The following TSGA10 variants were observed in gnomAD, a reference collection of about 807,000 sequenced individuals.
TSGA10 encodes testis-specific gene 10 protein.
In TSGA10, 43 loss-of-function variants were observed where a neutral mutation model predicts 96.6. The observed-to-expected ratio is 0.44, with a 90% CI of 0.35 to 0.57. The LOEUF (loss-of-function observed/expected upper bound fraction) is 0.57, where lower values mean the gene tolerates loss of function less well. Ranked by LOEUF, TSGA10 falls within the 20% of genes least tolerant of loss-of-function variation. TSGA10 has a pLI of 0.01. For synonymous variants in TSGA10, 229 were observed against 269.9 expected, an observed-to-expected ratio of 0.85 and a Z score of 1.48; for missense variants, 703 against 834.4, an observed-to-expected ratio of 0.84 and a Z score of 1.94.
chr2:99,080,225 A>G (rs1200697157), intron 11 of TSGA10, among the ~76,000 whole-genome samples: 1 of 152,146 alleles, frequency 6.6e-6, no homozygotes. Context: ...TTTTGGTGTT[A>G]CCAAATCTTC....
At chr2:99,116,777 G>A (rs1419104419) in intron 4 of TSGA10, among the ~76,000 whole-genome samples, 1 of 151,994 alleles carries the variant, frequency 6.6e-6, no homozygotes, top group Non-Finnish European at 1.5e-5. Flanking sequence ...AATGGTACAT[G>A]TTTATGGGGT....
rs780170909 is a variant in TSGA10, at chr2:99,065,063, C to G, written c.1280G>C (p.Trp427Ser). ...LRKANEDAEN[W>S]ENKARQSEAD... ...CTCTGATTGACGGGCTTTATTTTCC[C>G]AGTTTTCAGCATCTTCATTGGCTTT... The change falls in exon 16 of 21, where the codon TGG (tryptophan) becomes TCG (serine). Residue 427 changes from tryptophan to serine, a missense_variant. Transcript: ENST00000393483. 2 of 1,613,648 alleles carry G rather than the reference C, an allele frequency of 1.2e-6. No individual in the cohort carries two copies. Among genetic ancestry groups the G allele is most frequent in the Non-Finnish European group, 1.7e-6 (2 of 1,179,802 alleles).
At chr2:99,105,086 A>G (rs1462409986) in intron 9 of TSGA10, among the ~76,000 whole-genome samples, 1 of 152,206 alleles carries the variant, frequency 6.6e-6, no homozygotes, top group African/African-American at 2.4e-5. Flanking sequence ...GGAGATGAGA[A>G]AGTAGATAAG....
chr2:99,000,143 G>A (rs992650543), intron 20 of TSGA10, among the ~76,000 whole-genome samples: 5 of 151,986 alleles, frequency 3.3e-5, no homozygotes, highest in South Asian at 2.1e-4. Flanking sequence ...AGGCTGAGGC[G>A]AGTGGATTAC....
intron 10 of TSGA10, among the ~76,000 whole-genome samples, chr2:99,095,450 G>C (rs923557276): frequency 3.3e-5 from 5 of 151,962 alleles, no homozygotes; most frequent in Non-Finnish European, 5.9e-5. Flanking sequence ...AAATATTAAA[G>C]ATTGTACTAT....
intron 17 of TSGA10, 119 bp downstream of exon 17, chr2:99,035,111 A>T (rs2081504609): frequency 1.4e-6 from 1 of 724,158 alleles, no homozygotes. Flanking sequence ...TTAAAAATAA[A>T]ATCTAAGTTC....
At chr2:99,056,439 A>G (rs1051549429) in intron 16 of TSGA10, among the ~76,000 whole-genome samples, 4 of 152,230 alleles carry the variant, frequency 2.6e-5, no homozygotes, top group Admixed American at 1.3e-4. Context: ...ACTGTATGCC[A>G]ATAAATTAAA....
At chr2:99,030,344 C>A (rs1401170825) in intron 17 of TSGA10, among the ~76,000 whole-genome samples, 1 of 148,382 alleles carries the variant, frequency 6.7e-6, no homozygotes, top group Non-Finnish European at 1.5e-5. Flanking sequence ...AAGGCTCTGT[C>A]TCAAAAAAAA....
At chr2:99,023,304 A>G (rs2080216482) in intron 17 of TSGA10, among the ~76,000 whole-genome samples, 1 of 152,152 alleles carries the variant, frequency 6.6e-6, no homozygotes, top group East Asian at 1.9e-4. Context: ...CATATTTTGA[A>G]TATGAATCTC....
At position 99,011,968 on chromosome 2, in the gene TSGA10, C is replaced by G. The variant is rs144536293; in HGVS notation, c.2072+6232G>C. On this transcript the variant is annotated intron_variant, in intron 20 of 20. Transcript: ENST00000393483. Reference sequence around the variant, plus strand: ...ATCAAGATAAACTATAAAGGAAAACCTATCACATTAACACCAGATTTCTCA... The same window carrying G: ...ATCAAGATAAACTATAAAGGAAAACGTATCACATTAACACCAGATTTCTCA... Among the ~76,000 whole-genome samples, 724 of 152,248 alleles carry G rather than the reference C, an allele frequency of 4.8e-3. 9 individuals are homozygous for G. The highest frequency in any genetic ancestry group is 0.017 in the African/African-American group (689 of 41,530).
chr2:99,146,687 G>A (rs1392072517), intron 1 of TSGA10, among the ~76,000 whole-genome samples: 2 of 152,032 alleles, frequency 1.3e-5, no homozygotes, highest in Non-Finnish European at 1.5e-5. Flanking sequence ...GGAGTGCAAT[G>A]GTATGATCTC....
chr2:99,067,843 C>CA lies in TSGA10; in HGVS notation c.1218+1044dup, dbSNP rs201614117. ...GCCTGGCAATACAGTGAGCCTGTCT[C>CA]AAAAAAAAAAAAAAGTGTTGCTCTG... is the stretch of plus-strand genomic sequence containing the variant. On this transcript the variant is annotated intron_variant, in intron 15 of 20. Coordinates refer to ENST00000393483, the MANE Select transcript of TSGA10 (RefSeq NM_025244.4). Among the ~76,000 whole-genome samples the CA allele has an allele frequency of 4.7e-3, 604 of 127,964 alleles. 3 individuals carry two copies. Among genetic ancestry groups the CA allele is most frequent in the East Asian group, 4.3e-3 (19 of 4,430 alleles). 83.9% of individuals were successfully genotyped at this position (127,964 alleles called of 152,430 possible). A position where few individuals can be genotyped will look rare whatever the true frequency, so the allele number is the denominator to read the frequency against.
chr2:99,134,897 CTGAG>C (rs2093258982), intron 1 of TSGA10, among the ~76,000 whole-genome samples: 1 of 152,196 alleles, frequency 6.6e-6, no homozygotes, highest in Non-Finnish European at 1.5e-5. Context: ...CCCTGTTTGC[CTGAG>C]TATCACCAGC....
chr2:99,059,452 T>A (rs1422718041), intron 16 of TSGA10, among the ~76,000 whole-genome samples: 1 of 151,278 alleles, frequency 6.6e-6, no homozygotes, highest in East Asian at 2.0e-4. Context: ...CTGGCCAACA[T>A]GTCAAAACCC....
At chr2:99,052,566 G>A (rs796234612) in intron 16 of TSGA10, among the ~76,000 whole-genome samples, 6 of 151,654 alleles carry the variant, frequency 4.0e-5, no homozygotes, top group Non-Finnish European at 5.9e-5. Context: ...GTGAAACCCC[G>A]TCTCTACTAA....
chr2:99,015,616 T>C (rs1333424500), intron 20 of TSGA10, among the ~76,000 whole-genome samples: 1 of 152,118 alleles, frequency 6.6e-6, no homozygotes, highest in Non-Finnish European at 1.5e-5. Context: ...TTTCATCGCT[T>C]CTATTCAACA....
At chr2:99,041,678 A>G (rs1046423155) in intron 16 of TSGA10, among the ~76,000 whole-genome samples, 3 of 152,202 alleles carry the variant, frequency 2.0e-5, no homozygotes, top group Admixed American at 1.3e-4. Flanking sequence ...TACAAAAATC[A>G]ACTCAAAATG....
intron 2 of TSGA10, among the ~76,000 whole-genome samples, chr2:99,122,737 G>T (rs2092640857): frequency 6.6e-6 from 1 of 151,098 alleles, no homozygotes; most frequent in African/African-American, 2.4e-5. Flanking sequence ...GCTGCAGTAA[G>T]CAGAGATGAT....
At chr2:99,077,924 C>T (rs1574108319) in intron 12 of TSGA10, among the ~76,000 whole-genome samples, 1 of 151,978 alleles carries the variant, frequency 6.6e-6, no homozygotes, top group South Asian at 2.1e-4. Context: ...TATCATCCAG[C>T]TTTATTCACC....
Sources: gnomAD v4.1 joint callset for allele counts (sites outside exome capture counted in the v4.1 genomes callset) on GRCh38, gnomAD v4.1.1 for gene constraint, MANE v1.5 for transcripts, NCBI Gene and HGNC (gene_info 2026-07-23, HGNC 2026-07-21) for gene names.